KCNQ5: variants seen among roughly 807,000 people sequenced by gnomAD.
KCNQ5 encodes the protein potassium voltage-gated channel subfamily KQT member 5.
KCNQ5 carries 30 observed loss-of-function variants against 98.2 expected under a neutral mutation model. The ratio of observed to expected loss-of-function variants is 0.31; its 90% CI spans 0.23 to 0.41. The LOEUF is 0.41. Ranked by LOEUF, KCNQ5 falls within the 10% of genes least tolerant of loss-of-function variation. The pLI is 1.00. For synonymous variants in KCNQ5, 458 were observed against 449.4 expected, an observed-to-expected ratio of 1.02 and a Z score of -0.24; for missense variants, 835 against 1,182.5, an observed-to-expected ratio of 0.71 and a Z score of 4.31.
At chr6:72,809,044 T>C (rs914407354) in intron 1 of KCNQ5, among the ~76,000 whole-genome samples, 1 of 151,574 alleles carries the variant, frequency 6.6e-6, no homozygotes, top group African/African-American at 2.4e-5. Context: ...ATATACACCA[T>C]GGAATACTAT....
At chr6:72,708,290 A>AT (rs1431291025) in intron 1 of KCNQ5, among the ~76,000 whole-genome samples, 160 of 152,192 alleles carry the variant, frequency 1.1e-3, no homozygotes, top group African/African-American at 3.6e-3. Flanking sequence ...CATATTTTAC[A>AT]TGTATTAAGA....
At position 72,956,230 on chromosome 6, in the gene KCNQ5, CAG is replaced by C. The variant is rs1406723423; in HGVS notation, c.399-47676_399-47675del. On this transcript the variant is annotated intron_variant, in intron 1 of 13. Transcript: ENST00000370398. ...ATCTTTATTTTACATATGAAAGAAA[CAG>C]ACTCAGAGAGGTTGCTCAAAGCCAC... Among the ~76,000 whole-genome samples, 5 of 152,268 alleles carry C rather than the reference CAG, an allele frequency of 3.3e-5. No homozygotes were observed. The East Asian group carries it at 9.6e-4, about 29-fold the overall frequency.
intron 1 of KCNQ5, among the ~76,000 whole-genome samples, chr6:72,628,256 C>T (rs950015011): frequency 2.6e-5 from 4 of 152,042 alleles, no homozygotes; most frequent in Admixed American, 1.3e-4. Context: ...AAGATACTGA[C>T]GATTCATTTA....
intron 1 of KCNQ5, among the ~76,000 whole-genome samples, chr6:72,830,507 G>A (rs1312898840): frequency 6.6e-6 from 1 of 152,166 alleles, no homozygotes; most frequent in Non-Finnish European, 1.5e-5. Flanking sequence ...TTAATAAATG[G>A]TGCTGGGAAA....
chr6:72,824,295 G>A (rs1775886027), intron 1 of KCNQ5, among the ~76,000 whole-genome samples: 1 of 151,982 alleles, frequency 6.6e-6, no homozygotes, highest in Admixed American at 6.6e-5. Flanking sequence ...CAGCGGTGGT[G>A]GGGTCTGTGA....
chr6:72,756,962 A>T (rs1401962007), intron 1 of KCNQ5, among the ~76,000 whole-genome samples: 2 of 152,132 alleles, frequency 1.3e-5, no homozygotes, highest in African/African-American at 4.8e-5. Context: ...CTTAAGTATA[A>T]TTAAATCAGA....
At chr6:72,902,510 T>A (rs1779550970) in intron 1 of KCNQ5, among the ~76,000 whole-genome samples, 1 of 152,166 alleles carries the variant, frequency 6.6e-6, no homozygotes, top group Non-Finnish European at 1.5e-5. Context: ...AATTGAAGTA[T>A]GTCCTGTATG....
At chr6:72,839,377 T>G (rs1314193046) in intron 1 of KCNQ5, among the ~76,000 whole-genome samples, 1 of 152,240 alleles carries the variant, frequency 6.6e-6, no homozygotes, top group African/African-American at 2.4e-5. Flanking sequence ...GCCTTATAAT[T>G]CCAAAATTTG....
intron 1 of KCNQ5, among the ~76,000 whole-genome samples, chr6:72,645,218 A>AAC (rs1765529374): frequency 6.8e-6 from 1 of 147,068 alleles, no homozygotes; most frequent in Non-Finnish European, 1.5e-5. Context: ...AAAAAACAAA[A>AAC]AAAAACAAAA....
At position 72,725,923 on chromosome 6, in the gene KCNQ5, C is replaced by A. The variant is rs182990359; in HGVS notation, c.398+103336C>A. 5.9e-5 allele frequency among the ~76,000 whole-genome samples: 9 copies of A among 152,200 alleles called. No individual in the cohort carries two copies. In the South Asian group the frequency reaches 6.2e-4, roughly 11 times the overall value. ...TGAATTTTATAGTGAAAATAATCTA[C>A]AAAATCAGTTATGCATTTATCAGAT... is the stretch of plus-strand genomic sequence containing the variant. On this transcript the variant is annotated intron_variant, in intron 1 of 13. Coordinates refer to ENST00000370398, the MANE Select transcript of KCNQ5 (RefSeq NM_019842.4).
intron 1 of KCNQ5, among the ~76,000 whole-genome samples, chr6:72,925,608 A>G (rs1017453759): frequency 1.3e-5 from 2 of 152,210 alleles, no homozygotes; most frequent in African/African-American, 4.8e-5. Context: ...ACAATAACCC[A>G]TTAAATACAT....
chr6:73,117,635 T>C (rs1775561711), intron 7 of KCNQ5, among the ~76,000 whole-genome samples: 1 of 152,226 alleles, frequency 6.6e-6, no homozygotes, highest in South Asian at 2.1e-4. Context: ...TGCCATATGC[T>C]TCTAGTTCTA....
chr6:72,693,214 C>T (rs1205255384), intron 1 of KCNQ5, among the ~76,000 whole-genome samples: 1 of 151,992 alleles, frequency 6.6e-6, no homozygotes, highest in East Asian at 1.9e-4. Context: ...TCATTAAAAG[C>T]ATATATGAAT....
intron 1 of KCNQ5, among the ~76,000 whole-genome samples, chr6:72,694,296 C>G (rs1206619741): frequency 1.3e-5 from 2 of 152,248 alleles, no homozygotes; most frequent in Middle Eastern, 3.4e-3. Flanking sequence ...GTTGTGCCCC[C>G]CTGTGGCTGG....
At chr6:72,817,825 C>T (rs1775570230) in intron 1 of KCNQ5, among the ~76,000 whole-genome samples, 1 of 151,858 alleles carries the variant, frequency 6.6e-6, no homozygotes, top group Non-Finnish European at 1.5e-5. Context: ...GCCCAGGAAG[C>T]AGAGGTTGCA....
At chr6:72,805,438 C>T (rs1294626288) in intron 1 of KCNQ5, among the ~76,000 whole-genome samples, 2 of 152,086 alleles carry the variant, frequency 1.3e-5, no homozygotes, top group Admixed American at 6.6e-5. Context: ...AACATATCTT[C>T]TTGGCACTTC....
intron 1 of KCNQ5, among the ~76,000 whole-genome samples, chr6:72,736,585 C>A (rs1325666661): frequency 7.1e-6 from 1 of 139,916 alleles, no homozygotes; most frequent in South Asian, 2.3e-4. Context: ...CTGCAAGCTC[C>A]GCCTCCCGGG....
At chr6:72,746,885 C>A (rs116411248) in intron 1 of KCNQ5, among the ~76,000 whole-genome samples, 2,822 of 152,064 alleles carry the variant, frequency 0.019, 94 homozygotes, top group African/African-American at 0.064. Context: ...GTAGTAGTTG[C>A]GGAAAATAAT....
chr6:73,191,471 T>C (rs1765585976), intron 12 of KCNQ5, among the ~76,000 whole-genome samples: 1 of 152,184 alleles, frequency 6.6e-6, no homozygotes, highest in South Asian at 2.1e-4. Context: ...AGCCAAAATA[T>C]TCAGTAAATT....
Sources: gnomAD v4.1 joint callset for allele counts (sites outside exome capture counted in the v4.1 genomes callset) on GRCh38, gnomAD v4.1.1 for gene constraint, MANE v1.5 for transcripts, NCBI Gene and HGNC (gene_info 2026-07-23, HGNC 2026-07-21) for gene names.